The following COP1 variants were observed in gnomAD, a reference collection of about 807,000 sequenced individuals.
COP1 encodes E3 ubiquitin-protein ligase COP1.
COP1 carries 24 observed loss-of-function variants against 101.3 expected under a neutral mutation model. That is an observed-to-expected ratio of 0.24 (90% CI 0.17 to 0.33). COP1 has a LOEUF of 0.33. Among genes scored for constraint, COP1 ranks in the 10% least tolerant of loss-of-function variants. The pLI, the probability that COP1 is intolerant of heterozygous loss-of-function variation, is 1.00. For synonymous variants in COP1, 347 were observed against 341.9 expected (o/e 1.01, Z -0.17); for missense variants, 663 against 906.2 (o/e 0.73, Z 3.45).
At chr1:175,995,746 C>G (rs1213564039) in intron 15 of COP1, among the ~76,000 whole-genome samples, 3 of 152,098 alleles carry the variant, frequency 2.0e-5, no homozygotes. Context: ...GAAATTGTGG[C>G]AAGAATCAAT....
At chr1:176,161,940 A>G (rs1694389261) in intron 5 of COP1, among the ~76,000 whole-genome samples, 1 of 152,210 alleles carries the variant, frequency 6.6e-6, no homozygotes, top group Non-Finnish European at 1.5e-5. Context: ...AAATCTTTAA[A>G]CTGCAGTTGG....
At chr1:176,047,645 T>C (rs1671744081) in intron 11 of COP1, among the ~76,000 whole-genome samples, 1 of 152,236 alleles carries the variant, frequency 6.6e-6, no homozygotes, top group South Asian at 2.1e-4. Context: ...ATTCATTTAA[T>C]GCACAAAATA....
In COP1 at chr1:175,945,033, A is replaced by G; in HGVS notation, c.*120T>C. ...AAAAAGAAAAAAATATTCAAAACAAATCCAAAACCCATGATGACTTTGGGG... is the reference window on the plus strand; with the variant it reads ...AAAAAGAAAAAAATATTCAAAACAAGTCCAAAACCCATGATGACTTTGGGG... On this transcript the variant is annotated 3_prime_UTR_variant, in exon 20 of 20. Transcript: ENST00000367669. 3 of 816,686 alleles carry G rather than the reference A, an allele frequency of 3.7e-6. No homozygotes were observed. Among genetic ancestry groups the G allele is most frequent in the Non-Finnish European group, 6.0e-6 (3 of 498,798 alleles). 50.6% of individuals were successfully genotyped at this position (816,686 alleles called of 1,614,324 possible).
intron 11 of COP1, among the ~76,000 whole-genome samples, chr1:176,071,544 A>G (rs1248375757): frequency 6.6e-6 from 1 of 152,228 alleles, no homozygotes; most frequent in Admixed American, 6.5e-5. Context: ...AAAATTAAGC[A>G]TAAAAATATT....
chr1:176,140,624 A>T (rs544544782), intron 6 of COP1, among the ~76,000 whole-genome samples: 4 of 152,172 alleles, frequency 2.6e-5, no homozygotes, highest in Admixed American at 6.5e-5. Flanking sequence ...TTCACTCTGT[A>T]AACATAACCC....
At chr1:175,947,564 T>G (rs1649346178) in intron 18 of COP1, among the ~76,000 whole-genome samples, 2 of 152,086 alleles carry the variant, frequency 1.3e-5, no homozygotes, top group Admixed American at 1.3e-4. Flanking sequence ...GAGACGGGGA[T>G]TCTCCATGTT....
Position 175,948,907 on chromosome 1 carries a change from G to A in COP1, c.2134-1668C>T, listed in dbSNP as rs1322514930. ...GGGCTGGGCGCAGTGGCTCACACCT[G>A]TAATCCCAGCACTTTGGGAGGCAGA... On this transcript the variant is annotated intron_variant, in intron 18 of 19. Transcript: ENST00000367669. Among the ~76,000 whole-genome samples the A allele has an allele frequency of 2.7e-5, 4 of 150,286 alleles. 1 individual carries two copies. The highest frequency in any genetic ancestry group is 9.8e-5 in the African/African-American group (4 of 40,914).
intron 18 of COP1, among the ~76,000 whole-genome samples, chr1:175,965,789 G>A (rs1651947392): frequency 6.6e-6 from 1 of 151,856 alleles, no homozygotes; most frequent in African/African-American, 2.4e-5. Context: ...TCATCATGTT[G>A]GTCAGGCTGG....
At chr1:176,113,950 T>G (rs1219695009) in intron 9 of COP1, among the ~76,000 whole-genome samples, 1 of 151,348 alleles carries the variant, frequency 6.6e-6, no homozygotes, top group African/African-American at 2.4e-5. Context: ...GTAGGGTTTT[T>G]TTTTTTTTTT....
chr1:176,170,931 C>G (rs1217640443), intron 3 of COP1, among the ~76,000 whole-genome samples: 1 of 151,976 alleles, frequency 6.6e-6, no homozygotes, highest in African/African-American at 2.4e-5. Context: ...CAAGACCATC[C>G]TGGCTAACAC....
chr1:176,179,213 C>A (rs1430029440), intron 2 of COP1, among the ~76,000 whole-genome samples: 1 of 151,496 alleles, frequency 6.6e-6, no homozygotes, highest in Non-Finnish European at 1.5e-5. Flanking sequence ...TTGCTTGACC[C>A]TGGGGGGCAG....
At chr1:176,077,755 A>G (rs1167700894) in intron 11 of COP1, among the ~76,000 whole-genome samples, 2 of 152,328 alleles carry the variant, frequency 1.3e-5, no homozygotes, top group South Asian at 2.1e-4. Flanking sequence ...AGAAAACCCT[A>G]AAGACTCTGC....
In COP1 at chr1:176,085,692, G is replaced by A. The variant is rs993311511; in HGVS notation, c.1141+84C>T. ...ATACATACTTTTGCTTTGCAATTAGGACTTTCCATAAATTCAGCACAAAAA... is the reference window on the plus strand; with the variant it reads ...ATACATACTTTTGCTTTGCAATTAGAACTTTCCATAAATTCAGCACAAAAA... On this transcript the variant is annotated intron_variant, in intron 10 of 19. Transcript: ENST00000367669. 1.8e-5 allele frequency: 13 copies of A among 707,078 alleles called. No homozygotes were observed. In the African/African-American group the frequency reaches 2.1e-4, roughly 11 times the overall value. The allele number at this position is 707,078 out of a possible 1,614,324, so 43.8% of individuals were successfully genotyped here.
chr1:176,204,625 G>C (rs1279995913), intron 1 of COP1, among the ~76,000 whole-genome samples: 1 of 152,120 alleles, frequency 6.6e-6, no homozygotes, highest in East Asian at 1.9e-4. Context: ...GAGATTCTTA[G>C]AAAGTGAAAT....
intron 15 of COP1, among the ~76,000 whole-genome samples, chr1:176,000,254 C>G (rs1259436530): frequency 6.6e-6 from 1 of 152,022 alleles, no homozygotes. Flanking sequence ...AGTCTTTAAT[C>G]CATTGTGACT....
chr1:175,975,521 T>A (rs565009719), intron 18 of COP1, among the ~76,000 whole-genome samples: 3 of 152,158 alleles, frequency 2.0e-5, no homozygotes, highest in Admixed American at 6.5e-5. Flanking sequence ...GCGATTCTCA[T>A]GTCTCAGCCA....
intron 9 of COP1, among the ~76,000 whole-genome samples, chr1:176,089,130 G>A (rs916484559): frequency 2.0e-5 from 3 of 151,718 alleles, no homozygotes; most frequent in African/African-American, 7.3e-5. Context: ...GTGAAACCCC[G>A]TCTCTACTAA....
At chr1:176,177,790 CAA>C (rs1697172993) in intron 2 of COP1, among the ~76,000 whole-genome samples, 1 of 150,976 alleles carries the variant, frequency 6.6e-6, no homozygotes, top group Non-Finnish European at 1.5e-5. Flanking sequence ...ATAAAACAAA[CAA>C]AAAAATAAAA....
chr1:176,030,666 G>A (rs572124508), intron 14 of COP1, among the ~76,000 whole-genome samples: 2 of 152,188 alleles, frequency 1.3e-5, no homozygotes, highest in South Asian at 2.1e-4. Context: ...AACTGTCTGA[G>A]CTACAAGGGT....
Sources: allele counts gnomAD v4.1 joint callset (sites outside exome capture counted in the v4.1 genomes callset), GRCh38; gene constraint gnomAD v4.1.1; transcripts MANE v1.5; gene names NCBI Gene and HGNC (gene_info 2026-07-23, HGNC 2026-07-21).